The following NKAIN1 variants were observed in gnomAD, a reference collection of about 807,000 sequenced individuals.
NKAIN1 encodes sodium/potassium-transporting ATPase subunit beta-1-interacting protein 1.
NKAIN1 carries 13 observed loss-of-function variants against 31.6 expected under a neutral mutation model. The observed-to-expected ratio is 0.41, with a 90% confidence interval of 0.27 to 0.65. The LOEUF (loss-of-function observed/expected upper bound fraction) is 0.65, where lower values mean the gene tolerates loss of function less well. Ranked by LOEUF, NKAIN1 falls within the 30% of genes least tolerant of loss-of-function variation. The pLI is 0.30. For missense variants in NKAIN1, 193 were observed against 262.2 expected, an observed-to-expected ratio of 0.74 and a Z score of 1.82; for synonymous variants, 104 against 109.0, an observed-to-expected ratio of 0.95 and a Z score of 0.28.
chr1:31,200,756 C>T (rs2050819), intron 1 of NKAIN1, among the ~76,000 whole-genome samples: 114,659 of 151,980 alleles, frequency 0.75, 43,695 homozygotes, highest in Middle Eastern at 0.9. Flanking sequence ...AGCCACTGTG[C>T]CCGGCCACAT....
intron 1 of NKAIN1, among the ~76,000 whole-genome samples, chr1:31,192,983 T>C (rs1199008105): frequency 1.3e-5 from 2 of 151,832 alleles, no homozygotes; most frequent in African/African-American, 4.8e-5. Flanking sequence ...CTTGGCAACA[T>C]AGTGAGATCC....
intron 1 of NKAIN1, among the ~76,000 whole-genome samples, chr1:31,229,390 G>T (rs1645629938): frequency 6.6e-6 from 1 of 151,906 alleles, no homozygotes; most frequent in Non-Finnish European, 1.5e-5. Flanking sequence ...GGGCATCTGG[G>T]GTGGGAGCAG....
chr1:31,230,510 G>A (rs1212196267), intron 1 of NKAIN1, among the ~76,000 whole-genome samples: 5 of 152,106 alleles, frequency 3.3e-5, no homozygotes, highest in East Asian at 1.9e-4. Context: ...CACACTTAAC[G>A]GCTCTTCTAA....
chr1:31,208,618 C>T (rs186205885), intron 1 of NKAIN1, among the ~76,000 whole-genome samples: 1 of 117,116 alleles, frequency 8.5e-6, no homozygotes, highest in East Asian at 2.5e-4. Flanking sequence ...GTCTATGTGG[C>T]CCCCACATAG....
At position 31,229,491 on chromosome 1, in the gene NKAIN1, G is replaced by A. The variant is rs559535838; in HGVS notation, c.54+10003C>T. Among the ~76,000 whole-genome samples, 25 of 152,208 alleles carry A rather than the reference G, an allele frequency of 1.6e-4. No individual in the cohort carries two copies. In the South Asian group the frequency reaches 2.9e-3, roughly 18 times the overall value. ...TGGGGCAAAAGCAATCCTCCCCTCC[G>A]CTTCAGTAGCTGGGACGACAGGTGC... is the stretch of plus-strand genomic sequence containing the variant. On this transcript the variant is annotated intron_variant, in intron 1 of 6. Coordinates refer to ENST00000373736, the MANE Select transcript of NKAIN1 (RefSeq NM_024522.3).
chr1:31,221,479 A>C (rs1645564604), intron 1 of NKAIN1, among the ~76,000 whole-genome samples: 1 of 152,160 alleles, frequency 6.6e-6, no homozygotes, highest in Non-Finnish European at 1.5e-5. Context: ...CTCTGTCGCC[A>C]GGCTGGAGTG....
intron 1 of NKAIN1, among the ~76,000 whole-genome samples, chr1:31,234,192 C>T (rs1419884188): frequency 6.6e-6 from 1 of 152,150 alleles, no homozygotes; most frequent in Non-Finnish European, 1.5e-5. Flanking sequence ...GTATGAGGAA[C>T]AAAAGGGGCC....
intron 1 of NKAIN1, among the ~76,000 whole-genome samples, chr1:31,195,280 G>A (rs557157372): frequency 1.3e-4 from 20 of 151,556 alleles, no homozygotes; most frequent in African/African-American, 4.4e-4. Context: ...CACCATGCCC[G>A]GCTTAATTTT....
rs1645673412 is a variant in NKAIN1 at position 31,233,579 on chromosome 1, C to T, written c.54+5915G>A. Among the ~76,000 whole-genome samples the T allele has an allele frequency of 6.6e-6, 1 of 152,146 alleles. No homozygotes were observed. Among genetic ancestry groups the T allele is most frequent in the African/African-American group, 2.4e-5 (1 of 41,426 alleles). On this transcript the variant is annotated intron_variant, in intron 1 of 6. Transcript: ENST00000373736. This position sits in a 1 kb window ranked among gnomAD's most constrained non-coding sequence, Gnocchi z 4.0. Reference sequence around the variant, plus strand: ...TGCCTGGCTCATAGCAGACACCAAACAAAAAGAAATTCTCATTATGTTAAT... The same window carrying T: ...TGCCTGGCTCATAGCAGACACCAAATAAAAAGAAATTCTCATTATGTTAAT...
chr1:31,223,467 G>T (rs1645579188), intron 1 of NKAIN1, among the ~76,000 whole-genome samples: 2 of 152,038 alleles, frequency 1.3e-5, no homozygotes, highest in African/African-American at 4.8e-5. Context: ...TTGAGACGGA[G>T]TCTCGCTCTG....
chr1:31,231,843 T>C (rs1257206731), intron 1 of NKAIN1, among the ~76,000 whole-genome samples: 1 of 151,858 alleles, frequency 6.6e-6, no homozygotes, highest in Non-Finnish European at 1.5e-5. Flanking sequence ...TCAATTGTTT[T>C]AATTTTTAGC....
intron 1 of NKAIN1, among the ~76,000 whole-genome samples, chr1:31,191,280 G>A (rs1433045234): frequency 6.9e-6 from 1 of 144,864 alleles, no homozygotes; most frequent in Non-Finnish European, 1.5e-5. Context: ...GACAGAGCAA[G>A]ACTCTGTCTC....
At chr1:31,198,961 C>T (rs1212021027) in intron 1 of NKAIN1, among the ~76,000 whole-genome samples, 1 of 152,208 alleles carries the variant, frequency 6.6e-6, no homozygotes, top group Admixed American at 6.5e-5. Flanking sequence ...AGCGTAGGGC[C>T]CAGGCTCAGG....
At chr1:31,221,709 C>T (rs1403676449) in intron 1 of NKAIN1, among the ~76,000 whole-genome samples, 3 of 152,094 alleles carry the variant, frequency 2.0e-5, no homozygotes, top group African/African-American at 4.8e-5. Flanking sequence ...GCTGGGATTA[C>T]AGGCATGAGC....
At chr1:31,200,441 C>A (rs1645370980) in intron 1 of NKAIN1, among the ~76,000 whole-genome samples, 1 of 150,214 alleles carries the variant, frequency 6.7e-6, no homozygotes, top group Non-Finnish European at 1.5e-5. Flanking sequence ...CAAAGTTGGA[C>A]CAGAAGTCTC....
At chr1:31,188,475 G>A (rs777432802) in intron 1 of NKAIN1, 39 of 324,966 alleles carry the variant, frequency 1.2e-4, no homozygotes, top group Non-Finnish European at 1.9e-4. Flanking sequence ...TCCATGTGGA[G>A]AAGATGGTGG....
chr1:31,223,703 C>G (rs2148364765), intron 1 of NKAIN1, among the ~76,000 whole-genome samples: 1 of 152,258 alleles, frequency 6.6e-6, no homozygotes, highest in African/African-American at 2.4e-5. Context: ...CTCGGCCTCC[C>G]AAAGTGCTGG....
intron 1 of NKAIN1, among the ~76,000 whole-genome samples, chr1:31,230,707 A>T (rs1645640921): frequency 6.6e-6 from 1 of 151,934 alleles, no homozygotes; most frequent in African/African-American, 2.4e-5. Context: ...TGTTCAATTT[A>T]AAAAATGTTT....
At chr1:31,214,508 G>GCTTA (rs1017770567) in intron 1 of NKAIN1, among the ~76,000 whole-genome samples, 2 of 151,788 alleles carry the variant, frequency 1.3e-5, no homozygotes, top group African/African-American at 4.8e-5. Flanking sequence ...GCCTCATAGA[G>GCTTA]CTTACATTCA....
Sources: gnomAD v4.1 joint callset for allele counts (sites outside exome capture counted in the v4.1 genomes callset) on GRCh38, gnomAD v4.1.1 for gene constraint, Gnocchi (gnomAD v3.1) non-coding constraint, MANE v1.5 for transcripts, NCBI Gene and HGNC (gene_info 2026-07-23, HGNC 2026-07-21) for gene names.